MALRD1: variants seen among roughly 807,000 people sequenced by gnomAD.
The protein encoded by MALRD1 is MAM and LDL-receptor class A domain-containing protein 1.
MALRD1 carries 247 observed loss-of-function variants against 242.1 expected under a neutral mutation model. The ratio of observed to expected loss-of-function variants is 1.02; its 90% CI spans 0.92 to 1.13. The LOEUF is 1.13. Ranked by LOEUF, MALRD1 falls within the 50% of genes most tolerant of loss-of-function variation. The pLI is 0.00. For missense variants in MALRD1, 2,989 were observed against 2,533.1 expected, an observed-to-expected ratio of 1.18 and a Z score of -3.86; for synonymous variants, 995 against 866.6, an observed-to-expected ratio of 1.15 and a Z score of -2.60.
At chr10:19,174,594 G>T (rs975774636) in intron 13 of MALRD1, among the ~76,000 whole-genome samples, 1 of 151,580 alleles carries the variant, frequency 6.6e-6, no homozygotes. Flanking sequence ...CATAATATGA[G>T]TAATTAACAA....
intron 26 of MALRD1, among the ~76,000 whole-genome samples, chr10:19,375,569 A>T (rs1845560096): frequency 6.6e-6 from 1 of 152,148 alleles, no homozygotes; most frequent in South Asian, 2.1e-4. Context: ...TCTCCTACTA[A>T]GTTGGAAGGT....
chr10:19,380,783 T>C (rs1470944443), intron 26 of MALRD1, among the ~76,000 whole-genome samples: 2 of 152,208 alleles, frequency 1.3e-5, no homozygotes, highest in Non-Finnish European at 2.9e-5. Flanking sequence ...GGCATTATTG[T>C]TGTCATCGTT....
intron 5 of MALRD1, among the ~76,000 whole-genome samples, chr10:19,109,188 A>T (rs1253480980): frequency 6.6e-6 from 1 of 152,166 alleles, no homozygotes; most frequent in Non-Finnish European, 1.5e-5. Flanking sequence ...AGCTCCTTGG[A>T]CAAGCTTCCC....
chr10:19,120,940 C>T (rs766521994), intron 5 of MALRD1, among the ~76,000 whole-genome samples: 17 of 152,024 alleles, frequency 1.1e-4, no homozygotes, highest in Admixed American at 2.6e-4. Context: ...TACGGAGTTT[C>T]GCCATGTTGG....
At chr10:19,633,949 C>T (rs1488541602) in intron 36 of MALRD1, 2 of 151,306 alleles carry the variant, frequency 1.3e-5, no homozygotes, top group Admixed American at 1.3e-4. Flanking sequence ...AGCAATTCTC[C>T]TGCCTTAGCC....
chr10:19,296,186 C>G (rs910485890), intron 21 of MALRD1, among the ~76,000 whole-genome samples: 1 of 152,030 alleles, frequency 6.6e-6, no homozygotes, highest in Non-Finnish European at 1.5e-5. Context: ...ATTTCATGCT[C>G]CAAAATATAG....
At chr10:19,292,080 C>CAAAAAAAAAAAAAAAAAAAAAAAA (rs756211363) in intron 21 of MALRD1, among the ~76,000 whole-genome samples, 1 of 88,036 alleles carries the variant, frequency 1.1e-5, no homozygotes. Context: ...AAGACCGTCT[C>CAAAAAAAAAAAAAAAAAAAAAAAA]AAAAAAAAAA....
intron 18 of MALRD1, among the ~76,000 whole-genome samples, chr10:19,250,764 G>A (rs1265247205): frequency 6.6e-6 from 1 of 151,786 alleles, no homozygotes; most frequent in Non-Finnish European, 1.5e-5. Flanking sequence ...ATATGTGTAA[G>A]ACATTTGTTT....
intron 38 of MALRD1, among the ~76,000 whole-genome samples, chr10:19,720,477 T>G (rs1382521269): frequency 1.3e-5 from 2 of 152,236 alleles, no homozygotes; most frequent in Non-Finnish European, 2.9e-5. Context: ...GTTTGTTTGT[T>G]TCTTTTTGAA....
chr10:19,717,156 T>G (rs1239678563), intron 38 of MALRD1, among the ~76,000 whole-genome samples: 1 of 152,226 alleles, frequency 6.6e-6, no homozygotes, highest in Non-Finnish European at 1.5e-5. Context: ...CTGTCAGTAA[T>G]TCTTTCAAAT....
chr10:19,571,514 A>G (rs1032595457), intron 33 of MALRD1, among the ~76,000 whole-genome samples: 19 of 152,168 alleles, frequency 1.2e-4, no homozygotes, highest in Admixed American at 5.9e-4. Flanking sequence ...CGTAAAATTT[A>G]AAATAGGTCA....
rs756361071 is a variant in MALRD1, at chr10:19,491,658, A to C, written c.5158+13A>C. The C allele has an allele frequency of 6.5e-7, 1 of 1,547,182 alleles. No homozygotes were observed. The highest frequency in any genetic ancestry group is 2.4e-5 in the East Asian group (1 of 40,826). On this transcript the variant is annotated intron_variant, in intron 30 of 39. Coordinates refer to ENST00000454679, the MANE Select transcript of MALRD1 (RefSeq NM_001142308.3). ...GAAGCTCACTGTGGTAAGTTTATCT[A>C]TCTGCTGTATGGCAGCCAGTTCAGC...
In MALRD1 at chr10:19,352,310, CTG is replaced by C. The variant is rs10616221; in HGVS notation, c.4441+26_4441+27del. The C allele has an allele frequency of 0.93, 1,422,105 of 1,536,976 alleles. 659,957 individuals carry two copies. Among genetic ancestry groups the C allele is most frequent in the African/African-American group, 0.98 (71,734 of 72,842 alleles). ...CCTCTTCCAACAGGTACATTCTAATCTGTGTGTGTGTGTGGTATTTTTGCATG... is the reference window on the plus strand; with the variant it reads ...CCTCTTCCAACAGGTACATTCTAATCTGTGTGTGTGTGGTATTTTTGCATG... On this transcript the variant is annotated intron_variant, in intron 26 of 39. Transcript: ENST00000454679.
At chr10:19,306,820 G>C (rs1842229711) in intron 21 of MALRD1, among the ~76,000 whole-genome samples, 1 of 151,306 alleles carries the variant, frequency 6.6e-6, no homozygotes, top group African/African-American at 2.4e-5. Flanking sequence ...AAGCAAAAGG[G>C]GGAAATGCCC....
intron 38 of MALRD1, chr10:19,722,260 G>C (rs1046047270): frequency 1.3e-5 from 2 of 151,994 alleles, no homozygotes; most frequent in Non-Finnish European, 2.9e-5. Context: ...TGATTGCAAG[G>C]GTTCCTGCTA....
At chr10:19,700,019 TAGACACAC>T (rs1182495477) in intron 38 of MALRD1, among the ~76,000 whole-genome samples, 9 of 119,508 alleles carry the variant, frequency 7.5e-5, no homozygotes, top group African/African-American at 3.3e-4. Context: ...GAAATTGATT[TAGACACAC>T]ACACACACAC....
At chr10:19,144,888 G>C (rs1408422899) in intron 10 of MALRD1, among the ~76,000 whole-genome samples, 6 of 152,178 alleles carry the variant, frequency 3.9e-5, no homozygotes, top group Non-Finnish European at 7.3e-5. Flanking sequence ...CTCAGTGGTA[G>C]TTTGGCTGTT....
chr10:19,331,276 C>A, intron 23 of MALRD1, 93 bp from the exon 24 acceptor site: 1 of 1,051,662 alleles, frequency 9.5e-7, no homozygotes. Context: ...CAACAAAAAA[C>A]AGATTCACGA....
intron 36 of MALRD1, among the ~76,000 whole-genome samples, chr10:19,688,426 C>A (rs1020550202): frequency 6.6e-6 from 1 of 152,016 alleles, no homozygotes; most frequent in Admixed American, 6.6e-5. Context: ...CCTTGCATGG[C>A]TAATTTTTAG....
Sources: allele counts gnomAD v4.1 joint callset (sites outside exome capture counted in the v4.1 genomes callset), GRCh38; gene constraint gnomAD v4.1.1; transcripts MANE v1.5; gene names NCBI Gene and HGNC (gene_info 2026-07-23, HGNC 2026-07-21).